Variants in TRHDE observed in about 807,000 individuals in gnomAD.
TRHDE encodes the protein thyrotropin-releasing hormone-degrading ectoenzyme.
TRHDE carries 72 observed loss-of-function variants against 125.7 expected under a neutral mutation model. That is an observed-to-expected ratio of 0.57 (90% CI 0.47 to 0.70). The LOEUF is 0.70. Among genes scored for constraint, TRHDE ranks in the 30% least tolerant of loss-of-function variants. TRHDE has a pLI of 0.00. For synonymous variants in TRHDE, 509 were observed against 509.1 expected, an observed-to-expected ratio of 1.00 and a Z score of 0.00; for missense variants, 1,110 against 1,327.1, an observed-to-expected ratio of 0.84 and a Z score of 2.54.
In TRHDE at chr12:72,357,964, T is replaced by TA. The variant is rs777988429; in HGVS notation, c.1189-20023dup. Among the ~76,000 whole-genome samples the TA allele has an allele frequency of 9.4e-4, 143 of 151,388 alleles. No individual in the cohort carries two copies. The Middle Eastern group carries it at 0.014, about 15-fold the overall frequency. On this transcript the variant is annotated intron_variant, in intron 2 of 18. Transcript: ENST00000261180. ...CTGAAAAATTATGGCATTAGAAAGT[T>TA]AAAAAAAATTCTAAATAATTTATGA...
At position 72,562,208 on chromosome 12, in the gene TRHDE, A is replaced by G; in HGVS notation, c.1832A>G (p.Asp611Gly). 1.3e-6 allele frequency: 2 copies of G among 1,558,734 alleles called. No individual in the cohort carries two copies. Among genetic ancestry groups the G allele is most frequent in the Non-Finnish European group, 1.8e-6 (2 of 1,135,334 alleles). ...IHKYGNAARN[D>G]LWNTLSEALK... is the part of the protein sequence containing the mutation. ...AAGTATGGTAATGCAGCCAGAAATG[A>G]TCTCTGGAATACATTATCGGAGGTA... The change falls in exon 8 of 19, where the codon GAT becomes GGT. Residue 611 changes from aspartate (D) to glycine (G), a missense_variant. Physicochemically the swap from Asp to Gly is moderately conservative, Grantham distance 94 (BLOSUM62 -1). Around this residue, in one of 5 missense-constraint regions of TRHDE, gnomAD observed 527 missense variants for 651.8 expected, o/e 0.81. Transcript: ENST00000261180.
chr12:72,570,702 A>G (rs753432609), intron 10 of TRHDE, among the ~76,000 whole-genome samples: 4 of 152,076 alleles, frequency 2.6e-5, no homozygotes, highest in African/African-American at 7.2e-5. Context: ...GAATAAAACA[A>G]TGTATTGGTT....
intron 2 of TRHDE, among the ~76,000 whole-genome samples, chr12:72,363,405 C>T (rs1365941693): frequency 6.6e-6 from 1 of 151,792 alleles, no homozygotes; most frequent in Non-Finnish European, 1.5e-5. Context: ...AGCAGCACAT[C>T]AAAAAGCTTA....
chr12:72,112,683 A>G (rs1370418643), intron 2 of TRHDE, among the ~76,000 whole-genome samples: 1 of 152,174 alleles, frequency 6.6e-6, no homozygotes, highest in African/African-American at 2.4e-5. Flanking sequence ...TAAGAATTCA[A>G]TGTAAGAAAT....
At chr12:72,203,476 T>TA (rs1214541517) in intron 2 of TRHDE, among the ~76,000 whole-genome samples, 3 of 150,962 alleles carry the variant, frequency 2.0e-5, no homozygotes, top group East Asian at 1.9e-4. Flanking sequence ...TCAAAAAAAA[T>TA]AAAAAATAAA....
intron 2 of TRHDE, 89 bp downstream of exon 2, chr12:72,287,043 C>A: frequency 7.8e-7 from 1 of 1,281,178 alleles, no homozygotes. Context: ...TCATTTCTAA[C>A]CTTTTTACAC....
chr12:72,619,983 T>A (rs578171656), intron 13 of TRHDE, among the ~76,000 whole-genome samples: 364 of 151,592 alleles, frequency 2.4e-3, no homozygotes, highest in African/African-American at 6.3e-3. Context: ...TGATTTTTTT[T>A]AAAAAATGGG....
At chr12:72,116,119 T>A (rs1481506905) in intron 2 of TRHDE, among the ~76,000 whole-genome samples, 1 of 152,190 alleles carries the variant, frequency 6.6e-6, no homozygotes, top group African/African-American at 2.4e-5. Context: ...TGTTTGGTTT[T>A]CTGTTACTGT....
intron 7 of TRHDE, among the ~76,000 whole-genome samples, chr12:72,560,014 T>C (rs1870102661): frequency 6.6e-6 from 1 of 152,138 alleles, no homozygotes; most frequent in Non-Finnish European, 1.5e-5. Flanking sequence ...TGAAAAAAAA[T>C]AGATGACTGA....
Position 72,490,604 on chromosome 12 carries a change from T to TACAC in TRHDE, c.1585-8874_1585-8871dup, listed in dbSNP as rs56752236. ...TCGATGAGGAAATTTTGTGTATAAATACACACACACACACACACACACATT... is the reference window on the plus strand; with the variant it reads ...TCGATGAGGAAATTTTGTGTATAAATACACACACACACACACACACACACACATT... On this transcript the variant is annotated intron_variant, in intron 5 of 18. Transcript: ENST00000261180. 1.7e-3 allele frequency among the ~76,000 whole-genome samples: 256 copies of TACAC among 148,234 alleles called. 1 individual carries two copies. Among genetic ancestry groups the TACAC allele is most frequent in the African/African-American group, 4.9e-3 (199 of 40,896 alleles).
At chr12:72,460,014 G>A (rs12308095) in intron 3 of TRHDE, among the ~76,000 whole-genome samples, 3,409 of 152,270 alleles carry the variant, frequency 0.022, 122 homozygotes, top group African/African-American at 0.078. Context: ...TGGATTATAT[G>A]ATAGGTGAAT....
chr12:72,315,567 G>C (rs1868759503), intron 2 of TRHDE, among the ~76,000 whole-genome samples: 1 of 152,090 alleles, frequency 6.6e-6, no homozygotes, highest in South Asian at 2.1e-4. Context: ...GTAAAATTAT[G>C]GTATGCACTT....
chr12:72,471,241 C>G (rs970661578), intron 4 of TRHDE, among the ~76,000 whole-genome samples: 1 of 152,080 alleles, frequency 6.6e-6, no homozygotes, highest in Non-Finnish European at 1.5e-5. Flanking sequence ...GCCTTGTTGA[C>G]CAGATCTCTG....
chr12:72,460,331 C>T (rs1026548559), intron 3 of TRHDE, among the ~76,000 whole-genome samples: 1 of 152,114 alleles, frequency 6.6e-6, no homozygotes, highest in African/African-American at 2.4e-5. Flanking sequence ...GAATTGAGTT[C>T]ATGTTCTTAA....
In TRHDE at chr12:72,571,328, T is replaced by C. The variant is rs191812458; in HGVS notation, c.2131+2672T>C. Among the ~76,000 whole-genome samples, 44 of 152,314 alleles carry C rather than the reference T, an allele frequency of 2.9e-4. No homozygotes were observed. In the East Asian group the frequency reaches 5.6e-3, roughly 19 times the overall value. ...TGTAAAACAGTTCCATATTTAATTATAACAATCAGGTCAATGTTTTTGTAG... is the reference window on the plus strand; with the variant it reads ...TGTAAAACAGTTCCATATTTAATTACAACAATCAGGTCAATGTTTTTGTAG... On this transcript the variant is annotated intron_variant, in intron 10 of 18. Transcript: ENST00000261180.
In TRHDE at chr12:72,335,224, A is replaced by G. The variant is rs140725863; in HGVS notation, c.1189-42771A>G. On this transcript the variant is annotated intron_variant, in intron 2 of 18. Transcript: ENST00000261180. ...TTGCCAATCACAGAGAATTTCCTTT[A>G]TGTGCTCTTGGGGGTAAATTCTAGA... Among the ~76,000 whole-genome samples, 47 of 152,302 alleles carry G rather than the reference A, an allele frequency of 3.1e-4. No individual in the cohort carries two copies. The East Asian group carries it at 8.7e-3, about 28-fold the overall frequency.
intron 2 of TRHDE, among the ~76,000 whole-genome samples, chr12:72,210,602 A>G (rs574973141): frequency 6.6e-6 from 1 of 152,212 alleles, no homozygotes; most frequent in Non-Finnish European, 1.5e-5. Flanking sequence ...TTAACTTTTT[A>G]ATTAATGAGA....
At chr12:72,438,470 A>C (rs1050750742) in intron 3 of TRHDE, among the ~76,000 whole-genome samples, 1 of 151,828 alleles carries the variant, frequency 6.6e-6, no homozygotes, top group Admixed American at 6.6e-5. Context: ...TAGCCATTCT[A>C]AGAGGTATGA....
intron 3 of TRHDE, among the ~76,000 whole-genome samples, chr12:72,430,757 G>T (rs986791538): frequency 6.6e-6 from 1 of 151,854 alleles, no homozygotes; most frequent in Non-Finnish European, 1.5e-5. Flanking sequence ...TAACATATGA[G>T]TTTTAGGATC....
Sources: gnomAD v4.1 joint callset for allele counts (sites outside exome capture counted in the v4.1 genomes callset) on GRCh38, gnomAD v4.1.1 for gene constraint, gnomAD v4.1.1 regional missense constraint, MANE v1.5 for transcripts, NCBI Gene and HGNC (gene_info 2026-07-23, HGNC 2026-07-21) for gene names.